Variants in COMMD5 observed in about 807,000 individuals in gnomAD.
COMMD5 encodes the protein COMM domain-containing protein 5.
In COMMD5, 10 loss-of-function variants were observed where a neutral mutation model predicts 6.9. The ratio of observed to expected loss-of-function variants is 1.44; its 90% confidence interval spans 0.89 to 2.45. The LOEUF (loss-of-function observed/expected upper bound fraction) is 2.45. Among genes scored for constraint, COMMD5 ranks in the 30% most tolerant of loss-of-function variants. The probability of loss-of-function intolerance (pLI) is 0.00; values close to 1 mark genes in which losing one functional copy is unlikely to be tolerated. For synonymous variants in COMMD5, 127 were observed against 125.3 expected (o/e 1.01, Z -0.09); for missense variants, 234 against 287.8 (o/e 0.81, Z 1.35).
At chr8:144,846,554 G>A (rs1830520519), downstream of COMMD5, 1 of 195,040 alleles carries the variant, frequency 5.1e-6, no homozygotes, top group Non-Finnish European at 1.1e-5. Flanking sequence ...GCCACTGAAG[G>A]ATTATTTTTC....
intron 1 of COMMD5, chr8:144,852,490 C>T (rs1830791165): frequency 6.6e-6 from 1 of 152,374 alleles, no homozygotes; most frequent in Admixed American, 6.5e-5. Flanking sequence ...AGCTCCTGTC[C>T]TCGAGGCACT....
In COMMD5 at chr8:144,850,661, G is replaced by A. The variant is rs771115369; in HGVS notation, c.*3C>T. The A allele has an allele frequency of 2.1e-5, 33 of 1,609,326 alleles. No homozygotes were observed. The highest frequency in any genetic ancestry group is 2.6e-5 in the Non-Finnish European group (31 of 1,177,340). ...ATCTGAATGGGACTGGTCAAGTGAG[G>A]GGTCAGTCCTGCAGTCTGCGCTCAC... On this transcript the variant is annotated 3_prime_UTR_variant, in exon 2 of 2. Coordinates refer to ENST00000305103, the MANE Select transcript of COMMD5 (RefSeq NM_014066.4). The surrounding 1 kb of genome is among the most constrained non-coding windows in gnomAD (Gnocchi z 4.0).
upstream of COMMD5, chr8:144,853,294 G>A (rs1586867360): frequency 6.6e-6 from 1 of 152,064 alleles, no homozygotes; most frequent in Non-Finnish European, 1.5e-5. Context: ...CTGCGCCCGC[G>A]TCTCCCTCCC....
exon 2 of COMMD5, chr8:144,841,284 C>G: frequency 1.4e-6 from 2 of 1,477,038 alleles, no homozygotes; most frequent in Non-Finnish European, 1.8e-6. Flanking sequence ...AGCCCTGGCC[C>G]CCGCATTTGT....
chr8:144,846,740 T>G (rs936878369), downstream of COMMD5: 1 of 152,950 alleles, frequency 6.5e-6, no homozygotes, highest in South Asian at 2.1e-4. Flanking sequence ...GCTCTGTCCC[T>G]CAGGCTGAAG....
chr8:144,841,836 C>G, intron 1 of COMMD5: 1 of 1,614,174 alleles, frequency 6.2e-7, no homozygotes, highest in Non-Finnish European at 8.5e-7. Context: ...ATACAAATAA[C>G]TGCCATGGAG....
intron 1 of COMMD5, among the ~76,000 whole-genome samples, chr8:144,851,981 T>A (rs533898663): frequency 4.6e-5 from 7 of 151,854 alleles, no homozygotes; most frequent in Admixed American, 2.0e-4. Context: ...CTACAAAAAA[T>A]TTAAAAAACT....
Position 144,845,128 on chromosome 8 carries a change from C to T in COMMD5, c.*117-3385G>A, listed in dbSNP as rs141722549. 1.6e-3 allele frequency among the ~76,000 whole-genome samples: 248 copies of T among 152,272 alleles called. 1 individual carries two copies. The highest frequency in any genetic ancestry group is 6.5e-4 in the Non-Finnish European group (44 of 68,008). On this transcript the variant is annotated intron_variant and NMD_transcript_variant, in intron 1 of 1. Coordinates refer to the COMMD5 transcript ENST00000530332. ...TGGTGCGGGACAGCTTTCCTTAAAACTCAGCCTGAAAGACTGCCAAGAACT... is the reference window on the plus strand; with the variant it reads ...TGGTGCGGGACAGCTTTCCTTAAAATTCAGCCTGAAAGACTGCCAAGAACT...
At chr8:144,849,296 G>C (rs1180917953), downstream of COMMD5, among the ~76,000 whole-genome samples, 4 of 152,216 alleles carry the variant, frequency 2.6e-5, no homozygotes, top group Non-Finnish European at 4.4e-5. Context: ...AACTCAGTGA[G>C]GGTGGGACAA....
intron 1 of COMMD5, chr8:144,843,456 CAG>C: frequency 4.0e-6 from 1 of 247,340 alleles, no homozygotes; most frequent in South Asian, 9.1e-5. Context: ...GGCGTGGTGG[CAG>C]GCACCTGTGG....
chr8:144,838,482 T>C, downstream of COMMD5: 1 of 263,722 alleles, frequency 3.8e-6, no homozygotes, highest in Non-Finnish European at 7.2e-6. Flanking sequence ...ACAAGGGAGA[T>C]GGGTCTGCGT....
chr8:144,841,554 A>C, exon 2 of COMMD5: 2 of 1,614,134 alleles, frequency 1.2e-6, no homozygotes, highest in Non-Finnish European at 1.7e-6. Context: ...TTACCTTCCA[A>C]AATAACTGTT....
At chr8:144,843,972 C>T (rs1830329641) in intron 1 of COMMD5, among the ~76,000 whole-genome samples, 1 of 152,196 alleles carries the variant, frequency 6.6e-6, no homozygotes, top group African/African-American at 2.4e-5. Context: ...CTATCCCCTT[C>T]CTCAGAGAGG....
intron 1 of COMMD5, chr8:144,842,425 C>A (rs904179337): frequency 6.2e-7 from 1 of 1,614,066 alleles, no homozygotes; most frequent in Non-Finnish European, 8.5e-7. Flanking sequence ...TGGAGAGAAG[C>A]CTTATAAATG....
chr8:144,838,062 CT>C (rs200210581), downstream of COMMD5: 2 of 702,550 alleles, frequency 2.8e-6, no homozygotes, highest in South Asian at 1.5e-5. Context: ...CCGTGCCCCC[CT>C]GTGAAGGCTT....
chr8:144,849,493 GACAA>G (rs1830643400), downstream of COMMD5, among the ~76,000 whole-genome samples: 1 of 152,136 alleles, frequency 6.6e-6, no homozygotes, highest in African/African-American at 2.4e-5. Flanking sequence ...CTGCAGACAA[GACAA>G]ACAGCCAAGC....
chr8:144,843,148 CA>C (rs1398571743), intron 1 of COMMD5: 2 of 1,590,072 alleles, frequency 1.3e-6, no homozygotes, highest in South Asian at 2.3e-5. Flanking sequence ...TACCCAGCAT[CA>C]AAAAATTCAC....
At chr8:144,853,209 C>A (rs1373149998), upstream of COMMD5, 3 of 150,650 alleles carry the variant, frequency 2.0e-5, no homozygotes, top group Non-Finnish European at 4.4e-5. Context: ...TCGTCTTAGA[C>A]AGTTTTTTTT....
At chr8:144,843,318 G>C (rs555157298) in intron 1 of COMMD5, 4 of 1,028,506 alleles carry the variant, frequency 3.9e-6, no homozygotes, top group Non-Finnish European at 5.4e-6. Flanking sequence ...GGCCGAGTGT[G>C]GTGGCTTATG....
Sources: allele counts gnomAD v4.1 joint callset (sites outside exome capture counted in the v4.1 genomes callset), GRCh38; gene constraint gnomAD v4.1.1; non-coding constraint Gnocchi (gnomAD v3.1); transcripts MANE v1.5; gene names NCBI Gene and HGNC (gene_info 2026-07-23, HGNC 2026-07-21).